The following PRDM1 variants were observed in gnomAD, a reference collection of about 807,000 sequenced individuals.
PRDM1 encodes PR domain zinc finger protein 1.
A neutral mutation model predicts 62.8 loss-of-function variants in PRDM1; 13 were observed. The observed-to-expected ratio is 0.21, with a 90% CI of 0.13 to 0.33. The LOEUF is 0.33. Ranked by LOEUF, PRDM1 falls within the 10% of genes least tolerant of loss-of-function variation. PRDM1 has a pLI of 1.00. For missense variants in PRDM1, 895 were observed against 1,058.8 expected, an observed-to-expected ratio of 0.85 and a Z score of 2.15; for synonymous variants, 396 against 417.6, an observed-to-expected ratio of 0.95 and a Z score of 0.63.
At chr6:106,062,290 A>G (rs564793235) in intron 1 of PRDM1, among the ~76,000 whole-genome samples, 9 of 152,352 alleles carry the variant, frequency 5.9e-5, no homozygotes, top group African/African-American at 1.9e-4. Context: ...TCTAAGTATT[A>G]AGGGTAATTT....
At chr6:106,026,512 T>C (rs568731157) in intron 1 of PRDM1, among the ~76,000 whole-genome samples, 2 of 151,576 alleles carry the variant, frequency 1.3e-5, no homozygotes, top group Non-Finnish European at 2.9e-5. Context: ...AATAATAAAA[T>C]AAAATAAAGA....
chr6:106,046,280 G>C (rs1449421343), upstream of PRDM1: 1 of 152,178 alleles, frequency 6.6e-6, no homozygotes, highest in African/African-American at 2.4e-5. Flanking sequence ...GGCAGCTGCT[G>C]CTAAGGTGGG....
intron 2 of PRDM1, among the ~76,000 whole-genome samples, chr6:106,094,908 C>T (rs1582466753): frequency 2.0e-5 from 1 of 48,930 alleles, no homozygotes; most frequent in Non-Finnish European, 7.3e-5. Flanking sequence ...GTCTTTAAAA[C>T]ACACACACAC....
rs148423534 is a variant in PRDM1, at chr6:106,037,596, C to G, written c.-67+43957C>G. ...TCAATCATTGTCTTTGTCCTATTTT[C>G]AAGTTTGCTGATTTTTTTCTTCTGC... On this transcript the variant is annotated intron_variant, in intron 1 of 6. Coordinates refer to the PRDM1 transcript ENST00000652320. 7.9e-5 allele frequency among the ~76,000 whole-genome samples: 12 copies of G among 152,194 alleles called. No homozygotes were observed. The East Asian group carries it at 2.3e-3, about 29-fold the overall frequency.
At chr6:106,088,516 G>A in intron 2 of PRDM1, 67 bp downstream of exon 2, 1 of 1,576,982 alleles carries the variant, frequency 6.3e-7, no homozygotes, top group Non-Finnish European at 8.7e-7. Flanking sequence ...TTGCCCTTGA[G>A]GCCTTGTATA....
intron 1 of PRDM1, among the ~76,000 whole-genome samples, chr6:106,055,483 AAATG>A (rs1773249719): frequency 1.3e-5 from 2 of 152,356 alleles, no homozygotes; most frequent in South Asian, 4.1e-4. Flanking sequence ...AGAACACTTT[AAATG>A]GAAAATGCTT....
Position 106,108,556 on chromosome 6 carries a change from C to G in PRDM1, c.*1070C>G. On this transcript the variant is annotated 3_prime_UTR_variant, in exon 7 of 7. Coordinates refer to ENST00000369096, the MANE Select transcript of PRDM1 (RefSeq NM_001198.4). ...TTTTTTTTTTTTAATGTCAAAATTG[C>G]ACAAACATGGTGCTCTACCAGGAAG... is the stretch of plus-strand genomic sequence containing the variant. The G allele has an allele frequency of 5.6e-6, 1 of 180,160 alleles. No homozygotes were observed. Among genetic ancestry groups the G allele is most frequent in the Non-Finnish European group, 1.0e-5 (1 of 97,866 alleles). The allele number at this position is 180,160 out of a possible 1,614,324, so 11.2% of individuals were successfully genotyped here.
chr6:106,048,849 G>T (rs1242707981), intron 1 of PRDM1, among the ~76,000 whole-genome samples: 3 of 150,902 alleles, frequency 2.0e-5, no homozygotes, highest in African/African-American at 7.3e-5. Flanking sequence ...TTCTTTCTGA[G>T]ACAGAGTCTT....
chr6:106,038,034 T>TTTTTTTTTTTTTTTTTTTTTTTTTG (rs71006667), intron 1 of PRDM1, among the ~76,000 whole-genome samples: 1 of 133,330 alleles, frequency 7.5e-6, no homozygotes, highest in Non-Finnish European at 1.6e-5. Context: ...TTTTTTTTTT[T>TTTTTTTTTTTTTTTTTTTTTTTTTG]GAGACAGAGT....
chr6:106,074,566 A>G (rs970787445), intron 1 of PRDM1, among the ~76,000 whole-genome samples: 1 of 152,352 alleles, frequency 6.6e-6, no homozygotes, highest in East Asian at 1.9e-4. Context: ...AGTTGTTTCC[A>G]TTAAAACCAA....
chr6:106,075,721 T>C (rs565953665), intron 1 of PRDM1, among the ~76,000 whole-genome samples: 38 of 152,292 alleles, frequency 2.5e-4, no homozygotes, highest in South Asian at 1.2e-3. Context: ...AAGCTTCTTT[T>C]TCTTTCTCTT....
chr6:105,995,167 G>A (rs1156942757), intron 1 of PRDM1, among the ~76,000 whole-genome samples: 1 of 152,168 alleles, frequency 6.6e-6, no homozygotes, highest in Admixed American at 6.5e-5. Flanking sequence ...AAGTGCATAG[G>A]TTAGGCTTGC....
chr6:106,107,163 C>T lies in PRDM1; in HGVS notation c.2155C>T (p.Pro719Ser), dbSNP rs1257586290. ...NCAAAPAPGL[P>S]LEDLTRINEE... Reference sequence around the variant, plus strand: ...CGCTGCGGCCCCGGCGCCTGGGCTGCCCTTGGAAGATCTGACCCGAATCAA... The same window carrying T: ...CGCTGCGGCCCCGGCGCCTGGGCTGTCCTTGGAAGATCTGACCCGAATCAA... Residue 719 changes from proline (P) to serine (S), a missense_variant, in exon 7 of 7, where the codon CCC becomes TCC. Pro to Ser is a moderately conservative substitution (Grantham distance 74, BLOSUM62 -1). Transcript: ENST00000369096. 7 of 1,614,064 alleles carry T rather than the reference C, an allele frequency of 4.3e-6. No homozygotes were observed. The highest frequency in any genetic ancestry group is 5.9e-6 in the Non-Finnish European group (7 of 1,180,050).
At chr6:106,041,343 A>C (rs547321597) in intron 1 of PRDM1, among the ~76,000 whole-genome samples, 1 of 152,342 alleles carries the variant, frequency 6.6e-6, no homozygotes, top group East Asian at 1.9e-4. Context: ...TGAGTCACTT[A>C]AGGAAGATTC....
intron 1 of PRDM1, among the ~76,000 whole-genome samples, chr6:106,025,768 A>G (rs906102841): frequency 1.3e-5 from 2 of 152,226 alleles, no homozygotes; most frequent in Non-Finnish European, 2.9e-5. Context: ...TAAGTTGTTT[A>G]TGCAGCATTT....
chr6:106,018,642 T>C (rs1772653913), intron 1 of PRDM1, among the ~76,000 whole-genome samples: 1 of 152,014 alleles, frequency 6.6e-6, no homozygotes, highest in Non-Finnish European at 1.5e-5. Flanking sequence ...TGTCCTTCAA[T>C]TGAAATATGT....
At chr6:106,043,269 G>C (rs1773028889) in intron 1 of PRDM1, among the ~76,000 whole-genome samples, 1 of 152,076 alleles carries the variant, frequency 6.6e-6, no homozygotes, top group African/African-American at 2.4e-5. Flanking sequence ...TGCCATAATT[G>C]GTATTTATTT....
chr6:106,021,769 C>T (rs748088011), intron 1 of PRDM1, among the ~76,000 whole-genome samples: 52 of 152,192 alleles, frequency 3.4e-4, no homozygotes, highest in African/African-American at 9.6e-4. Flanking sequence ...TACAGGCACG[C>T]GCCACCACGC....
chr6:106,087,980 C>CTTTTTTTTTTTTTTTTT (rs34001545), intron 1 of PRDM1: 1 of 135,318 alleles, frequency 7.4e-6, no homozygotes, highest in African/African-American at 3.8e-5. Context: ...TTGCCACATT[C>CTTTTTTTTTTTTTTTTT]TTTTTTTTTT....
Sources: allele counts gnomAD v4.1 joint callset (sites outside exome capture counted in the v4.1 genomes callset), GRCh38; gene constraint gnomAD v4.1.1; transcripts MANE v1.5; gene names NCBI Gene and HGNC (gene_info 2026-07-23, HGNC 2026-07-21).